Variants in GNAQ observed in about 807,000 individuals in gnomAD.
GNAQ encodes guanine nucleotide-binding protein G(q) subunit alpha.
Under a neutral mutation model 43.9 loss-of-function variants are expected in GNAQ, and 8 were observed. That is an observed-to-expected ratio of 0.18 (90% confidence interval 0.11 to 0.33). The LOEUF (loss-of-function observed/expected upper bound fraction) is 0.33. GNAQ is among the 10% of genes least tolerant of loss of function. GNAQ has a pLI of 1.00. For missense variants in GNAQ, 158 were observed against 450.8 expected, an observed-to-expected ratio of 0.35 and a Z score of 5.88; for synonymous variants, 155 against 170.7, an observed-to-expected ratio of 0.91 and a Z score of 0.71.
In GNAQ at chr9:77,725,799, G is replaced by C. The variant is rs76337720; in HGVS notation, c.889+2715C>G. Among the ~76,000 whole-genome samples the C allele has an allele frequency of 2.8e-3, 423 of 152,228 alleles. 2 individuals are homozygous for C. The highest frequency in any genetic ancestry group is 9.9e-3 in the African/African-American group (411 of 41,548). ...TTATTGCGGAAAAATCAGCAACTGT[G>C]AAGTGTGGCTAGGTATGCTGCATCT... On this transcript the variant is annotated intron_variant, in intron 6 of 6. Coordinates refer to ENST00000286548, the MANE Select transcript of GNAQ (RefSeq NM_002072.5).
intron 1 of GNAQ, among the ~76,000 whole-genome samples, chr9:77,978,983 G>A (rs1326709063): frequency 1.3e-5 from 2 of 152,158 alleles, no homozygotes; most frequent in East Asian, 1.9e-4. Context: ...TTGAAACTGG[G>A]AGGCAGAGGT....
chr9:77,935,543 T>C (rs1829218915), intron 1 of GNAQ, among the ~76,000 whole-genome samples: 1 of 152,202 alleles, frequency 6.6e-6, no homozygotes, highest in Non-Finnish European at 1.5e-5. Flanking sequence ...ACTTCGAAGA[T>C]AGGTACATGA....
chr9:77,764,319 G>A (rs10747023), intron 5 of GNAQ, among the ~76,000 whole-genome samples: 95,955 of 151,964 alleles, frequency 0.63, 31,259 homozygotes, highest in Non-Finnish European at 0.72. Flanking sequence ...TAGATTAGTG[G>A]AATTTTGTTT....
intron 2 of GNAQ, among the ~76,000 whole-genome samples, chr9:77,845,982 A>G (rs1827578281): frequency 1.3e-5 from 2 of 152,240 alleles, no homozygotes; most frequent in African/African-American, 4.8e-5. Flanking sequence ...GAGGTAGGCC[A>G]GGAGGCGATG....
rs535916836 is a variant in GNAQ, at chr9:78,000,483, C to T, written c.136+30617G>A. The stretch of plus-strand genomic sequence containing the variant: ...TGTCAATTCAAGTAAAAGTGGTTGC[C>T]CCTAAAATAACCACATCTGTAATAA... On this transcript the variant is annotated intron_variant, in intron 1 of 6. Coordinates refer to ENST00000286548, the MANE Select transcript of GNAQ (RefSeq NM_002072.5). 1.1e-4 allele frequency among the ~76,000 whole-genome samples: 17 copies of T among 152,086 alleles called. No homozygotes were observed. In the South Asian group the frequency reaches 3.5e-3, roughly 32 times the overall value.
chr9:77,952,221 T>C (rs1822990509), intron 1 of GNAQ, among the ~76,000 whole-genome samples: 1 of 152,256 alleles, frequency 6.6e-6, no homozygotes, highest in South Asian at 2.1e-4. Flanking sequence ...TCAGTTTTTA[T>C]ATTTAAAATA....
intron 1 of GNAQ, among the ~76,000 whole-genome samples, chr9:77,949,094 A>T (rs1020577986): frequency 4.6e-5 from 7 of 152,208 alleles, no homozygotes; most frequent in African/African-American, 7.2e-5. Flanking sequence ...CAGAAAATTC[A>T]TATTATTAAA....
intron 3 of GNAQ, among the ~76,000 whole-genome samples, chr9:77,808,555 T>C (rs956825304): frequency 6.6e-6 from 1 of 151,978 alleles, no homozygotes; most frequent in African/African-American, 2.4e-5. Context: ...AATTTAATCA[T>C]GTAGAGAATA....
intron 2 of GNAQ, among the ~76,000 whole-genome samples, chr9:77,883,637 G>A (rs1055652963): frequency 6.7e-6 from 1 of 149,720 alleles, no homozygotes; most frequent in African/African-American, 2.5e-5. Context: ...TTCAACCCTT[G>A]CCCCCGCCCC....
intron 5 of GNAQ, among the ~76,000 whole-genome samples, chr9:77,747,896 G>C (rs578189002): frequency 6.6e-6 from 1 of 152,326 alleles, no homozygotes; most frequent in East Asian, 1.9e-4. Context: ...AAAGACTTAA[G>C]TTTGAATTTC....
intron 3 of GNAQ, among the ~76,000 whole-genome samples, chr9:77,812,068 G>A (rs977586703): frequency 1.3e-5 from 2 of 152,152 alleles, no homozygotes; most frequent in African/African-American, 4.8e-5. Context: ...TTCTCAATGT[G>A]TCCTGGTTCA....
At position 77,945,272 on chromosome 9, in the gene GNAQ, T is replaced by C. The variant is rs1011464864; in HGVS notation, c.137-22927A>G. Reference sequence around the variant, plus strand: ...AATCTATTTGCCAGCTTTGAAAATGTAGCACTTGAAACAGATATGAAGTAG... The same window carrying C: ...AATCTATTTGCCAGCTTTGAAAATGCAGCACTTGAAACAGATATGAAGTAG... On this transcript the variant is annotated intron_variant, in intron 1 of 6. Transcript: ENST00000286548. 7.2e-5 allele frequency among the ~76,000 whole-genome samples: 11 copies of C among 152,192 alleles called. No homozygotes were observed. In the East Asian group the frequency reaches 9.6e-4, roughly 13 times the overall value.
At chr9:77,975,696 T>C (rs1823292569) in intron 1 of GNAQ, among the ~76,000 whole-genome samples, 1 of 152,056 alleles carries the variant, frequency 6.6e-6, no homozygotes, top group South Asian at 2.1e-4. Context: ...CACACCACCA[T>C]GCCCAGCTAA....
intron 1 of GNAQ, among the ~76,000 whole-genome samples, chr9:77,942,618 T>C (rs1009287762): frequency 1.3e-5 from 2 of 152,042 alleles, no homozygotes; most frequent in Admixed American, 6.5e-5. Flanking sequence ...CACCAAAAAG[T>C]AGAAAATCAA....
intron 2 of GNAQ, among the ~76,000 whole-genome samples, chr9:77,839,608 C>A (rs1827450138): frequency 6.6e-6 from 1 of 152,220 alleles, no homozygotes; most frequent in South Asian, 2.1e-4. Context: ...GATAGAGCAG[C>A]AGCATGGGCT....
Position 77,747,482 on chromosome 9 carries a change from T to A in GNAQ, c.736-18815A>T, listed in dbSNP as rs571505014. 8.5e-5 allele frequency among the ~76,000 whole-genome samples: 13 copies of A among 152,332 alleles called. No homozygotes were observed. The South Asian group carries it at 1.9e-3, about 22-fold the overall frequency. ...CTACTCTAATGAGATCAAGTATCTT[T>A]AACTGAAGACTTGACATTCTAAGAC... On this transcript the variant is annotated intron_variant, in intron 5 of 6. Coordinates refer to ENST00000286548, the MANE Select transcript of GNAQ (RefSeq NM_002072.5).
At chr9:77,746,709 C>A (rs1825736111) in intron 5 of GNAQ, among the ~76,000 whole-genome samples, 1 of 152,104 alleles carries the variant, frequency 6.6e-6, no homozygotes, top group East Asian at 1.9e-4. Context: ...GGTTATATAA[C>A]TGTTGAAAGG....
At chr9:77,952,758 G>C (rs980486846) in intron 1 of GNAQ, among the ~76,000 whole-genome samples, 1 of 152,076 alleles carries the variant, frequency 6.6e-6, no homozygotes, top group African/African-American at 2.4e-5. Flanking sequence ...TTCACTCCTT[G>C]TATTGCTTAA....
At chr9:77,735,545 C>T (rs1238053575) in intron 5 of GNAQ, among the ~76,000 whole-genome samples, 3 of 152,194 alleles carry the variant, frequency 2.0e-5, no homozygotes, top group Non-Finnish European at 4.4e-5. Flanking sequence ...TATTTCTTTC[C>T]TCCCTTGATT....
Sources: gnomAD v4.1 joint callset for allele counts (sites outside exome capture counted in the v4.1 genomes callset) on GRCh38, gnomAD v4.1.1 for gene constraint, MANE v1.5 for transcripts, NCBI Gene and HGNC (gene_info 2026-07-23, HGNC 2026-07-21) for gene names.